The following ZNF438 variants were observed in gnomAD, a reference collection of about 807,000 sequenced individuals.
ZNF438 encodes zinc finger protein 438.
ZNF438 carries 25 observed loss-of-function variants against 38.0 expected under a neutral mutation model. That is an observed-to-expected ratio of 0.66 (90% CI 0.48 to 0.92). The LOEUF (loss-of-function observed/expected upper bound fraction) is 0.92. Among genes scored for constraint, ZNF438 ranks in the 40% least tolerant of loss-of-function variants. The probability of loss-of-function intolerance (pLI) is 0.00; values close to 1 mark genes in which losing one functional copy is unlikely to be tolerated. For missense variants in ZNF438, 1,007 were observed against 999.6 expected, an observed-to-expected ratio of 1.01 and a Z score of -0.10; for synonymous variants, 372 against 364.1, an observed-to-expected ratio of 1.02 and a Z score of -0.25.
chr10:30,902,481 C>T (rs1427970718), intron 3 of ZNF438, among the ~76,000 whole-genome samples: 1 of 151,994 alleles, frequency 6.6e-6, no homozygotes, highest in African/African-American at 2.4e-5. Flanking sequence ...CTCCAAGTCC[C>T]CACCAGATTA....
chr10:30,890,564 G>A (rs999184206), intron 3 of ZNF438, among the ~76,000 whole-genome samples: 1 of 152,134 alleles, frequency 6.6e-6, no homozygotes, highest in African/African-American at 2.4e-5. Flanking sequence ...CCTTAGGTCA[G>A]GTCCTCACTG....
intron 1 of ZNF438, among the ~76,000 whole-genome samples, chr10:30,951,468 T>C (rs1197511353): frequency 6.6e-6 from 1 of 152,162 alleles, no homozygotes; most frequent in East Asian, 1.9e-4. Context: ...TGTACCTGTT[T>C]GCAGACGACA....
intron 3 of ZNF438, among the ~76,000 whole-genome samples, chr10:30,901,916 T>C (rs996261239): frequency 1.3e-5 from 2 of 152,152 alleles, no homozygotes; most frequent in African/African-American, 4.8e-5. Flanking sequence ...CTACAGACTT[T>C]CGCTGTGAGT....
intron 1 of ZNF438, among the ~76,000 whole-genome samples, chr10:30,989,638 C>T (rs888918177): frequency 2.6e-5 from 4 of 151,964 alleles, no homozygotes; most frequent in African/African-American, 7.3e-5. Flanking sequence ...ATTAAGGGGG[C>T]GAGAATGTAT....
intron 1 of ZNF438, among the ~76,000 whole-genome samples, chr10:30,984,713 T>C (rs1478596624): frequency 6.6e-6 from 1 of 152,226 alleles, no homozygotes; most frequent in African/African-American, 2.4e-5. Flanking sequence ...ATGCTTCACA[T>C]TCTTTTCCAT....
chr10:30,897,975 CTTAAATACAA>C (rs1307250370), intron 3 of ZNF438, among the ~76,000 whole-genome samples: 1 of 152,164 alleles, frequency 6.6e-6, no homozygotes, highest in Non-Finnish European at 1.5e-5. Flanking sequence ...GGTATACAAT[CTTAAATACAA>C]TTAAATACTA....
chr10:30,901,703 G>A (rs568809544), intron 3 of ZNF438, among the ~76,000 whole-genome samples: 7 of 151,194 alleles, frequency 4.6e-5, no homozygotes, highest in Non-Finnish European at 1.0e-4. Flanking sequence ...GATAGGCGAT[G>A]GTCCCTTCGT....
intron 3 of ZNF438, among the ~76,000 whole-genome samples, chr10:30,884,162 T>C (rs1182973901): frequency 6.6e-6 from 1 of 152,202 alleles, no homozygotes; most frequent in Non-Finnish European, 1.5e-5. Context: ...TTAACTGTAT[T>C]CCTAATATCT....
chr10:30,945,101 G>A (rs942442505), intron 1 of ZNF438, among the ~76,000 whole-genome samples: 2 of 151,088 alleles, frequency 1.3e-5, no homozygotes, highest in Non-Finnish European at 2.9e-5. Context: ...TGAAAGAAAA[G>A]TGAGAAAGAG....
intron 4 of ZNF438, among the ~76,000 whole-genome samples, chr10:30,864,848 T>C (rs2036166681): frequency 6.6e-6 from 1 of 152,182 alleles, no homozygotes; most frequent in Non-Finnish European, 1.5e-5. Context: ...TGAAGTTCTA[T>C]TTTGAACAAC....
chr10:31,008,912 A>G (rs2055396602), intron 1 of ZNF438, among the ~76,000 whole-genome samples: 1 of 152,206 alleles, frequency 6.6e-6, no homozygotes, highest in South Asian at 2.1e-4. Flanking sequence ...ATTACTCCAC[A>G]TCCTCACTAA....
At chr10:30,898,222 T>C (rs1053112674) in intron 3 of ZNF438, among the ~76,000 whole-genome samples, 1 of 152,202 alleles carries the variant, frequency 6.6e-6, no homozygotes, top group African/African-American at 2.4e-5. Flanking sequence ...TGTAACCTTT[T>C]GAATGTTCTA....
chr10:30,968,860 G>A (rs2050437827), intron 1 of ZNF438, among the ~76,000 whole-genome samples: 1 of 152,136 alleles, frequency 6.6e-6, no homozygotes, highest in Non-Finnish European at 1.5e-5. Context: ...GAGACCCGTG[G>A]TTGGGATCTG....
exon 5 of ZNF438, chr10:30,849,469 A>C: frequency 6.2e-7 from 1 of 1,614,210 alleles, no homozygotes; most frequent in Non-Finnish European, 8.5e-7. Context: ...CTGCAATGTT[A>C]GCATCTGATT....
At chr10:30,946,275 T>C (rs919299338) in intron 1 of ZNF438, among the ~76,000 whole-genome samples, 5 of 152,228 alleles carry the variant, frequency 3.3e-5, no homozygotes, top group East Asian at 1.9e-4. Flanking sequence ...ATTCAGGACA[T>C]AGGCATGGGC....
chr10:30,898,903 T>C (rs561274632), intron 3 of ZNF438, among the ~76,000 whole-genome samples: 73 of 152,304 alleles, frequency 4.8e-4, no homozygotes, highest in African/African-American at 1.7e-3. Flanking sequence ...TCAATACTTT[T>C]TCTAAACTCA....
At chr10:30,847,043 TCGG>T (rs2032324340) in intron 5 of ZNF438, among the ~76,000 whole-genome samples, 1 of 152,132 alleles carries the variant, frequency 6.6e-6, no homozygotes, top group Non-Finnish European at 1.5e-5. Flanking sequence ...TCAGGACAGC[TCGG>T]TGCCAGCCTG....
chr10:31,003,491 T>C (rs2054851703), intron 1 of ZNF438, among the ~76,000 whole-genome samples: 1 of 152,166 alleles, frequency 6.6e-6, no homozygotes, highest in African/African-American at 2.4e-5. Context: ...TTGGCTACTG[T>C]CTTCTCATTC....
At chr10:31,000,605 T>C (rs777364933) in intron 1 of ZNF438, among the ~76,000 whole-genome samples, 3 of 152,144 alleles carry the variant, frequency 2.0e-5, no homozygotes, top group Non-Finnish European at 2.9e-5. Flanking sequence ...CTGACCTCAT[T>C]CCTGTAGCCC....
Sources: gnomAD v4.1 joint callset for allele counts (sites outside exome capture counted in the v4.1 genomes callset) on GRCh38, gnomAD v4.1.1 for gene constraint, MANE v1.5 for transcripts, NCBI Gene and HGNC (gene_info 2026-07-23, HGNC 2026-07-21) for gene names.